The following ABI3 variants were observed in gnomAD, a reference collection of about 807,000 sequenced individuals.
The protein encoded by ABI3 is ABI gene family member 3.
Under a neutral mutation model 37.0 loss-of-function variants are expected in ABI3, and 24 were observed. The ratio of observed to expected loss-of-function variants is 0.65; its 90% CI spans 0.47 to 0.91. ABI3 has a LOEUF of 0.91. ABI3 is among the 40% of genes least tolerant of loss of function. The pLI is 0.00. For missense variants in ABI3, 481 were observed against 485.1 expected (o/e 0.99, Z 0.08); for synonymous variants, 220 against 211.8 (o/e 1.04, Z -0.34).
chr17:49,210,891 C>T lies in ABI3; in HGVS notation c.117+50C>T, dbSNP rs755469050. 100 of 1,463,350 alleles carry T rather than the reference C, an allele frequency of 6.8e-5. No individual in the cohort carries two copies. Among genetic ancestry groups the T allele is most frequent in the South Asian group, 8.6e-5 (7 of 80,960 alleles). The allele number at this position is 1,463,350 out of a possible 1,614,324, so 90.6% of individuals were successfully genotyped here. On this transcript the variant is annotated intron_variant, in intron 1 of 7. Coordinates refer to ENST00000225941, the MANE Select transcript of ABI3 (RefSeq NM_016428.3). The surrounding 1 kb of genome is among the most constrained non-coding windows in gnomAD (Gnocchi z 4.2). ...ACACCCCAGCCCCCGGAGGGGGGACCCTGAGCCCTGCCCCAAGTGGGGCCC... is the reference window on the plus strand; with the variant it reads ...ACACCCCAGCCCCCGGAGGGGGGACTCTGAGCCCTGCCCCAAGTGGGGCCC...
chr17:49,218,608 AT>A (rs566080612), intron 3 of ABI3, among the ~76,000 whole-genome samples: 51 of 146,100 alleles, frequency 3.5e-4, no homozygotes, highest in East Asian at 2.6e-3. Flanking sequence ...TCCAACTTAT[AT>A]TTTTTTTTTT....
intron 3 of ABI3, among the ~76,000 whole-genome samples, chr17:49,218,120 G>A (rs191507662): frequency 2.5e-4 from 38 of 152,310 alleles, no homozygotes; most frequent in African/African-American, 8.7e-4. Context: ...TACCATCCTC[G>A]GAGGATCTGC....
chr17:49,217,201 A>G lies in ABI3; in HGVS notation c.285+503A>G, dbSNP rs142756127. On this transcript the variant is annotated intron_variant, in intron 2 of 7. Transcript: ENST00000225941. ...CCCCATAAAGCACATGCACAGACCC[A>G]GCCACACATTTGGCCTGGCCTGTAC... Among the ~76,000 whole-genome samples the G allele has an allele frequency of 2.7e-3, 410 of 152,222 alleles. 2 individuals carry two copies. Among genetic ancestry groups the G allele is most frequent in the African/African-American group, 8.2e-3 (340 of 41,522 alleles).
At chr17:49,214,329 G>A (rs764369898) in intron 1 of ABI3, among the ~76,000 whole-genome samples, 3 of 152,262 alleles carry the variant, frequency 2.0e-5, no homozygotes, top group East Asian at 3.9e-4. Flanking sequence ...TCCATGACCC[G>A]ACCAGAGATG....
Position 49,220,044 on chromosome 17 carries a change from T to A in ABI3, c.644+91T>A, listed in dbSNP as rs544221127. ...CCAGTGGTCATAGTGACTCCTGGGC[T>A]TGAAAGGACCCAGTTACTCCTGGGT... On this transcript the variant is annotated intron_variant, in intron 5 of 7. Coordinates refer to ENST00000225941, the MANE Select transcript of ABI3 (RefSeq NM_016428.3). 3.4e-5 allele frequency: 52 copies of A among 1,541,766 alleles called. No individual in the cohort carries two copies. In the South Asian group the frequency reaches 6.0e-4, roughly 18 times the overall value.
chr17:49,210,890 C>A lies in ABI3; in HGVS notation c.117+49C>A. The A allele has an allele frequency of 6.8e-7, 1 of 1,461,284 alleles. No homozygotes were observed. The highest frequency in any genetic ancestry group is 9.3e-7 in the Non-Finnish European group (1 of 1,073,282). 90.5% of individuals were successfully genotyped at this position (1,461,284 alleles called of 1,614,324 possible). A position where few individuals can be genotyped will look rare whatever the true frequency, so the allele number is the denominator to read the frequency against. ...GACACCCCAGCCCCCGGAGGGGGGA[C>A]CCTGAGCCCTGCCCCAAGTGGGGCC... On this transcript the variant is annotated intron_variant, in intron 1 of 7. Coordinates refer to ENST00000225941, the MANE Select transcript of ABI3 (RefSeq NM_016428.3). The surrounding 1 kb of genome is among the most constrained non-coding windows in gnomAD (Gnocchi z 4.2).
At position 49,222,830 on chromosome 17, in the gene ABI3, G is replaced by A. The variant is rs914446698; in HGVS notation, c.*115G>A. The A allele has an allele frequency of 1.6e-6, 2 of 1,212,426 alleles. No homozygotes were observed. Among genetic ancestry groups the A allele is most frequent in the African/African-American group, 1.5e-5 (1 of 66,126 alleles). The allele number at this position is 1,212,426 out of a possible 1,614,324, so 75.1% of individuals were successfully genotyped here. A position where few individuals can be genotyped will look rare whatever the true frequency, so the allele number is the denominator to read the frequency against. ...GGTCTGCCCACCTCTTGGGCTGTGA[G>A]CTGTGTTCTGTCCTTCCTCCCATCG... On this transcript the variant is annotated 3_prime_UTR_variant, in exon 8 of 8. Transcript: ENST00000225941.
Position 49,219,750 on chromosome 17 carries a change from G to A in ABI3, c.549-108G>A, listed in dbSNP as rs2043260644. Reference sequence around the variant, plus strand: ...GCTCAGGCCGTCATGCTGGATGCCTGGCGCCAAACCTCCCCCTCGGCCACC... The same window carrying A: ...GCTCAGGCCGTCATGCTGGATGCCTAGCGCCAAACCTCCCCCTCGGCCACC... On this transcript the variant is annotated intron_variant, in intron 4 of 7. Transcript: ENST00000225941. The surrounding 1 kb of genome is among the most constrained non-coding windows in gnomAD (Gnocchi z 4.3). 2.8e-6 allele frequency: 4 copies of A among 1,416,332 alleles called. No homozygotes were observed. The East Asian group carries it at 9.9e-5, about 35-fold the overall frequency. 87.7% of individuals were successfully genotyped at this position (1,416,332 alleles called of 1,614,324 possible). A position where few individuals can be genotyped will look rare whatever the true frequency, so the allele number is the denominator to read the frequency against.
Position 49,219,734 on chromosome 17 carries a change from G to C in ABI3, c.548+109G>C. 3 of 1,410,332 alleles carry C rather than the reference G, an allele frequency of 2.1e-6. No individual in the cohort carries two copies. Among genetic ancestry groups the C allele is most frequent in the Non-Finnish European group, 2.9e-6 (3 of 1,029,530 alleles). The allele number at this position is 1,410,332 out of a possible 1,614,324, so 87.4% of individuals were successfully genotyped here. On this transcript the variant is annotated intron_variant, in intron 4 of 7. Transcript: ENST00000225941. The surrounding 1 kb of genome is among the most constrained non-coding windows in gnomAD (Gnocchi z 4.3). Reference sequence around the variant, plus strand: ...CCTGGCGCCCCCGGGTGCTCAGGCCGTCATGCTGGATGCCTGGCGCCAAAC... The same window carrying C: ...CCTGGCGCCCCCGGGTGCTCAGGCCCTCATGCTGGATGCCTGGCGCCAAAC...
chr17:49,210,794 A>C lies in ABI3; in HGVS notation c.70A>C (p.Ser24Arg), dbSNP rs902124492. The C allele has an allele frequency of 6.4e-7, 1 of 1,556,286 alleles. No individual in the cohort carries two copies. The highest frequency in any genetic ancestry group is 8.7e-7 in the Non-Finnish European group (1 of 1,149,428). The change falls in exon 1 of 8, where the codon AGT (serine) becomes CGT (arginine). Residue 24 changes from serine to arginine, a missense_variant. By Grantham distance (110) the Ser-to-Arg change is moderately radical. Coordinates refer to ENST00000225941, the MANE Select transcript of ABI3 (RefSeq NM_016428.3). This position sits in a 1 kb window ranked among gnomAD's most constrained non-coding sequence, Gnocchi z 4.2. ...TGREALRGNH[S>R]ALLRVADYCE... ...CCGGGAGGCTCTGAGGGGCAACCAC[A>C]GTGCCCTGCTGCGGGTCGCTGACTA...
intron 3 of ABI3, among the ~76,000 whole-genome samples, chr17:49,218,518 C>T (rs184461736): frequency 6.6e-6 from 1 of 152,322 alleles, no homozygotes; most frequent in East Asian, 1.9e-4. Context: ...ATATCCTTAA[C>T]TTATCAGCCC....
chr17:49,215,780 A>G (rs539909566), intron 1 of ABI3, among the ~76,000 whole-genome samples: 10 of 147,190 alleles, frequency 6.8e-5, no homozygotes, highest in African/African-American at 2.5e-4. Flanking sequence ...TTACAGGTGT[A>G]AGCCACCGTG....
intron 6 of ABI3, among the ~76,000 whole-genome samples, chr17:49,221,116 T>G (rs112336283): frequency 6.7e-6 from 1 of 149,420 alleles, no homozygotes; most frequent in African/African-American, 2.5e-5. Flanking sequence ...GAGGCTGCAG[T>G]GAGCCGAGAT....
At position 49,218,957 on chromosome 17, in the gene ABI3, C is replaced by A. The variant is rs961580339; in HGVS notation, c.463-583C>A. 3.9e-5 allele frequency among the ~76,000 whole-genome samples: 6 copies of A among 152,068 alleles called. No homozygotes were observed. In the South Asian group the frequency reaches 1.2e-3, roughly 32 times the overall value. ...GTGCTTCAGCTCAAATCTCTTTTGT[C>A]TTGCCCCTGGTGAAGCCCATGGGGT... On this transcript the variant is annotated intron_variant, in intron 3 of 7. Coordinates refer to ENST00000225941, the MANE Select transcript of ABI3 (RefSeq NM_016428.3).
chr17:49,217,835 G>C lies in ABI3; in HGVS notation c.382G>C (p.Glu128Gln), dbSNP rs771276789. Reference protein sequence around the residue: ...LPPGQKVIAPENLPPLTPYCR... With the variant: ...LPPGQKVIAPQNLPPLTPYCR... ...CCCCGGCCAGAAGGTCATCGCCCCA[G>C]AGAACCTACCCCCTCTCACGCCCTA... Residue 128 changes from glutamate (E) to glutamine (Q), a missense_variant, in exon 3 of 8, where the codon GAG becomes CAG. Physicochemically the swap from Glu to Gln is conservative, Grantham distance 29. Coordinates refer to ENST00000225941, the MANE Select transcript of ABI3 (RefSeq NM_016428.3). The C allele has an allele frequency of 1.2e-5, 19 of 1,609,396 alleles. No homozygotes were observed. The highest frequency in any genetic ancestry group is 3.4e-5 in the Admixed American group (2 of 59,326).
Position 49,216,545 on chromosome 17 carries a change from GA to G in ABI3, c.134del (p.Lys45ArgfsTer46). 1 of 1,589,538 alleles carries G rather than the reference GA, an allele frequency of 6.3e-7. No homozygotes were observed. On this transcript the variant is annotated frameshift_variant, in exon 2 of 8. Coordinates refer to ENST00000225941, the MANE Select transcript of ABI3 (RefSeq NM_016428.3). LOFTEE classifies it high-confidence loss of function. ...DNYVQATDKR[K>X]ALEETMAFTT... ...GTGTATTTCAGGCCACAGACAAGCG[GA>G]AGGCGCTGGAGGAGACCATGGCCTT...
At chr17:49,214,090 C>T (rs2043197686) in intron 1 of ABI3, among the ~76,000 whole-genome samples, 1 of 152,178 alleles carries the variant, frequency 6.6e-6, no homozygotes, top group Non-Finnish European at 1.5e-5. Context: ...GCATGGGCTG[C>T]CCAGAAGGTT....
chr17:49,210,883 G>T lies in ABI3; in HGVS notation c.117+42G>T, dbSNP rs1406540247. ...GAAGCCTGACACCCCAGCCCCCGGA[G>T]GGGGGACCCTGAGCCCTGCCCCAAG... On this transcript the variant is annotated intron_variant, in intron 1 of 7. Transcript: ENST00000225941. The surrounding 1 kb of genome is among the most constrained non-coding windows in gnomAD (Gnocchi z 4.2). 3.3e-6 allele frequency: 5 copies of T among 1,503,044 alleles called. No homozygotes were observed. Among genetic ancestry groups the T allele is most frequent in the East Asian group, 2.5e-5 (1 of 40,280 alleles). The allele number at this position is 1,503,044 out of a possible 1,614,324, so 93.1% of individuals were successfully genotyped here. A position where few individuals can be genotyped will look rare whatever the true frequency, so the allele number is the denominator to read the frequency against.
At chr17:49,216,913 G>A (rs1567882370) in intron 2 of ABI3, among the ~76,000 whole-genome samples, 3 of 152,184 alleles carry the variant, frequency 2.0e-5, no homozygotes, top group South Asian at 4.1e-4. Context: ...TTTCTTTCTC[G>A]GAATTATATC....
Sources: allele counts gnomAD v4.1 joint callset (sites outside exome capture counted in the v4.1 genomes callset), GRCh38; gene constraint gnomAD v4.1.1; non-coding constraint Gnocchi (gnomAD v3.1); transcripts MANE v1.5; gene names NCBI Gene and HGNC (gene_info 2026-07-23, HGNC 2026-07-21).